Variants in UNC5D observed in about 807,000 individuals in gnomAD.
UNC5D encodes netrin receptor UNC5D.
A neutral mutation model predicts 105.4 loss-of-function variants in UNC5D; 39 were observed. The observed-to-expected ratio is 0.37, with a 90% CI of 0.29 to 0.48. The LOEUF is 0.48. Among genes scored for constraint, UNC5D ranks in the 20% least tolerant of loss-of-function variants. UNC5D has a pLI of 0.98. For missense variants in UNC5D, 991 were observed against 1,202.4 expected (o/e 0.82, Z 2.60); for synonymous variants, 452 against 450.4 (o/e 1.00, Z -0.04).
At chr8:35,261,742 C>G (rs894782009) in intron 1 of UNC5D, among the ~76,000 whole-genome samples, 4 of 152,130 alleles carry the variant, frequency 2.6e-5, no homozygotes, top group African/African-American at 9.7e-5. Flanking sequence ...TATGTTAACT[C>G]TGATGAGAAC....
At chr8:35,613,784 G>A (rs1820846856) in intron 4 of UNC5D, among the ~76,000 whole-genome samples, 1 of 152,170 alleles carries the variant, frequency 6.6e-6, no homozygotes, top group African/African-American at 2.4e-5. Flanking sequence ...GGGAGGCGGA[G>A]GTTGCAGTGA....
chr8:35,498,415 A>T (rs969771369), intron 1 of UNC5D, among the ~76,000 whole-genome samples: 1 of 152,172 alleles, frequency 6.6e-6, no homozygotes, highest in Non-Finnish European at 1.5e-5. Context: ...TTTTAAAAAC[A>T]TGGTAGCAAT....
intron 1 of UNC5D, among the ~76,000 whole-genome samples, chr8:35,293,802 G>T (rs1229499704): frequency 2.6e-5 from 4 of 152,072 alleles, no homozygotes; most frequent in African/African-American, 9.7e-5. Context: ...TCTCAATTGG[G>T]GCTCTCCCAA....
chr8:35,364,770 C>G (rs1033149446), intron 1 of UNC5D, among the ~76,000 whole-genome samples: 1 of 152,122 alleles, frequency 6.6e-6, no homozygotes, highest in Non-Finnish European at 1.5e-5. Flanking sequence ...CAAGAACCTA[C>G]CCCTTCACTA....
chr8:35,409,508 G>T (rs1035610099), intron 1 of UNC5D, among the ~76,000 whole-genome samples: 2 of 151,598 alleles, frequency 1.3e-5, no homozygotes, highest in Non-Finnish European at 2.9e-5. Flanking sequence ...TGAGGTTGAG[G>T]ATTTTTAATA....
intron 1 of UNC5D, among the ~76,000 whole-genome samples, chr8:35,465,694 C>T (rs1183556829): frequency 2.0e-5 from 3 of 152,134 alleles, no homozygotes; most frequent in African/African-American, 7.2e-5. Flanking sequence ...ATATCCTAAT[C>T]CCTGAAACCT....
chr8:35,302,889 G>A (rs1429804347), intron 1 of UNC5D, among the ~76,000 whole-genome samples: 1 of 152,000 alleles, frequency 6.6e-6, no homozygotes, highest in Non-Finnish European at 1.5e-5. Context: ...TAATATCCTT[G>A]CATTTTACAA....
intron 3 of UNC5D, among the ~76,000 whole-genome samples, chr8:35,573,087 G>A (rs1817855730): frequency 6.6e-6 from 1 of 152,214 alleles, no homozygotes; most frequent in South Asian, 2.1e-4. Flanking sequence ...ACAGGCGTGA[G>A]CCACCGCGCC....
intron 7 of UNC5D, among the ~76,000 whole-genome samples, chr8:35,699,440 T>C (rs997562990): frequency 1.1e-4 from 16 of 152,150 alleles, no homozygotes; most frequent in Non-Finnish European, 2.2e-4. Flanking sequence ...CAATGCATAG[T>C]TAGAAGATGT....
chr8:35,325,808 T>C (rs537122566), intron 1 of UNC5D, among the ~76,000 whole-genome samples: 1 of 152,146 alleles, frequency 6.6e-6, no homozygotes, highest in Non-Finnish European at 1.5e-5. Flanking sequence ...ATTTACTTAA[T>C]GTCCGTTGTG....
intron 1 of UNC5D, among the ~76,000 whole-genome samples, chr8:35,276,345 T>C (rs1002781669): frequency 4.6e-5 from 7 of 152,218 alleles, no homozygotes; most frequent in African/African-American, 9.6e-5. Flanking sequence ...TGGAAGTTAA[T>C]TGGTTGAATT....
chr8:35,250,749 G>A (rs1429239378), intron 1 of UNC5D, among the ~76,000 whole-genome samples: 8 of 151,934 alleles, frequency 5.3e-5, no homozygotes, highest in East Asian at 1.9e-4. Flanking sequence ...CGCCCGCCTC[G>A]GCCTCCCAAA....
chr8:35,720,441 G>A (rs992643573), intron 8 of UNC5D, among the ~76,000 whole-genome samples: 1 of 152,188 alleles, frequency 6.6e-6, no homozygotes, highest in African/African-American at 2.4e-5. Flanking sequence ...TGGAGGAAAG[G>A]GAGGAAAAAT....
intron 1 of UNC5D, among the ~76,000 whole-genome samples, chr8:35,263,181 C>A (rs1804607257): frequency 6.6e-6 from 1 of 152,126 alleles, no homozygotes; most frequent in South Asian, 2.1e-4. Flanking sequence ...CCCTCTAAGC[C>A]CATTTTAAAG....
At chr8:35,683,391 TA>T (rs1825802186) in intron 4 of UNC5D, among the ~76,000 whole-genome samples, 155 bp from the exon 5 acceptor site, 1 of 152,180 alleles carries the variant, frequency 6.6e-6, no homozygotes, top group African/African-American at 2.4e-5. Context: ...ATTTACCAAA[TA>T]AAAGGGACAG....
At chr8:35,444,096 C>G (rs942172372) in intron 1 of UNC5D, among the ~76,000 whole-genome samples, 2 of 152,068 alleles carry the variant, frequency 1.3e-5, no homozygotes, top group African/African-American at 4.8e-5. Context: ...TTTGGGGGAA[C>G]CTTTTTTTCA....
chr8:35,273,557 TA>T (rs1563270200), intron 1 of UNC5D, among the ~76,000 whole-genome samples: 2 of 152,216 alleles, frequency 1.3e-5, no homozygotes. Flanking sequence ...AACACAGTGT[TA>T]AAGAGTTTTC....
chr8:35,291,518 G>A (rs1242502462), intron 1 of UNC5D, among the ~76,000 whole-genome samples: 3 of 152,064 alleles, frequency 2.0e-5, no homozygotes, highest in Non-Finnish European at 4.4e-5. Context: ...GTGGGAAAAC[G>A]GGCCTGATTT....
At chr8:35,560,834 G>C (rs527954201) in intron 2 of UNC5D, among the ~76,000 whole-genome samples, 80 of 152,256 alleles carry the variant, frequency 5.3e-4, no homozygotes, top group African/African-American at 1.9e-3. Context: ...TGATCACATG[G>C]GGAGCCTCTG....
Sources: gnomAD v4.1 joint callset for allele counts (sites outside exome capture counted in the v4.1 genomes callset) on GRCh38, gnomAD v4.1.1 for gene constraint, MANE v1.5 for transcripts, NCBI Gene and HGNC (gene_info 2026-07-23, HGNC 2026-07-21) for gene names.